The following RALGPS2 variants were observed in gnomAD, a reference collection of about 807,000 sequenced individuals.
The protein encoded by RALGPS2 is ras-specific guanine nucleotide-releasing factor RalGPS2.
A neutral mutation model predicts 86.8 loss-of-function variants in RALGPS2; 43 were observed. That is an observed-to-expected ratio of 0.50 (90% CI 0.39 to 0.64). The LOEUF (loss-of-function observed/expected upper bound fraction) is 0.64. RALGPS2 is among the 30% of genes least tolerant of loss of function. The pLI, the probability that RALGPS2 is intolerant of heterozygous loss-of-function variation, is 0.00. For missense variants in RALGPS2, 536 were observed against 694.6 expected, an observed-to-expected ratio of 0.77 and a Z score of 2.57; for synonymous variants, 243 against 231.3, an observed-to-expected ratio of 1.05 and a Z score of -0.46.
intron 1 of RALGPS2, among the ~76,000 whole-genome samples, chr1:178,765,467 A>AT (rs1408479159): frequency 6.6e-6 from 1 of 152,216 alleles, no homozygotes. Context: ...CAGAGATCAC[A>AT]TGCTTCACAA....
chr1:178,811,437 C>T, intron 6 of RALGPS2, 33 bp downstream of exon 6: 1 of 1,341,892 alleles, frequency 7.5e-7, no homozygotes, highest in Non-Finnish European at 1.0e-6. Context: ...TTTTTGAGTT[C>T]AACCATTCAT....
chr1:178,823,353 A>G (rs561683260), intron 7 of RALGPS2, among the ~76,000 whole-genome samples: 1 of 152,344 alleles, frequency 6.6e-6, no homozygotes, highest in East Asian at 1.9e-4. Context: ...TTAATAGTGA[A>G]TGATCTAGAC....
chr1:178,899,551 C>G (rs1660077507), intron 17 of RALGPS2, among the ~76,000 whole-genome samples: 1 of 151,332 alleles, frequency 6.6e-6, no homozygotes, highest in African/African-American at 2.4e-5. Flanking sequence ...AAAATATCTG[C>G]TATATGTAAG....
chr1:178,810,459 A>T (rs1205630683), intron 5 of RALGPS2, among the ~76,000 whole-genome samples: 2 of 152,046 alleles, frequency 1.3e-5, no homozygotes, highest in African/African-American at 4.8e-5. Context: ...GTTGGTGAAC[A>T]TGCACTTTAG....
In RALGPS2 at chr1:178,754,874, A is replaced by G. The variant is rs76929783; in HGVS notation, c.-83-21808A>G. Among the ~76,000 whole-genome samples the G allele has an allele frequency of 3.3e-3, 499 of 152,358 alleles. 3 individuals are homozygous for G. The highest frequency in any genetic ancestry group is 0.012 in the African/African-American group (491 of 41,594). The stretch of plus-strand genomic sequence containing the variant: ...GAGTGCAGTGGTGCAATCTCAGTTC[A>G]CTGCAACTTCTGCCTCCCATATTCA... On this transcript the variant is annotated intron_variant, in intron 1 of 19. Coordinates refer to ENST00000367635, the MANE Select transcript of RALGPS2 (RefSeq NM_152663.5).
chr1:178,916,507 A>G lies in RALGPS2; in HGVS notation c.*148A>G. The G allele has an allele frequency of 1.5e-6, 1 of 654,476 alleles. No homozygotes were observed. The highest frequency in any genetic ancestry group is 3.3e-5 in the Admixed American group (1 of 29,854). 40.5% of individuals were successfully genotyped at this position (654,476 alleles called of 1,614,324 possible). On this transcript the variant is annotated 3_prime_UTR_variant, in exon 20 of 20. Coordinates refer to ENST00000367635, the MANE Select transcript of RALGPS2 (RefSeq NM_152663.5). Reference sequence around the variant, plus strand: ...GGAGTTCTCAACCAAAAAAGCACTAATTTCAGGGAATGATTTGAGATATTC... The same window carrying G: ...GGAGTTCTCAACCAAAAAAGCACTAGTTTCAGGGAATGATTTGAGATATTC...
At chr1:178,856,420 T>TTTTTTTGTTTTG (rs1657587534) in intron 8 of RALGPS2, among the ~76,000 whole-genome samples, 1 of 120,564 alleles carries the variant, frequency 8.3e-6, no homozygotes, top group African/African-American at 3.5e-5. Context: ...TTTTTTTTTT[T>TTTTTTTGTTTTG]TTTTTTGAGA....
intron 2 of RALGPS2, among the ~76,000 whole-genome samples, chr1:178,782,647 A>C (rs10913623): frequency 0.46 from 70,102 of 150,870 alleles, 17,557 homozygotes; most frequent in African/African-American, 0.65. Context: ...CCCCCCAGCA[A>C]CCCCTCAAAT....
At chr1:178,848,980 G>A (rs1657010829) in intron 8 of RALGPS2, among the ~76,000 whole-genome samples, 2 of 152,130 alleles carry the variant, frequency 1.3e-5, no homozygotes, top group Admixed American at 1.3e-4. Flanking sequence ...TATGCAAGGT[G>A]CTATGATTTG....
intron 1 of RALGPS2, among the ~76,000 whole-genome samples, chr1:178,775,807 A>G (rs1653052339): frequency 6.6e-6 from 1 of 152,130 alleles, no homozygotes; most frequent in Admixed American, 6.5e-5. Flanking sequence ...ATATTTAATA[A>G]ACTTTAAAGT....
rs1220097085 is a variant in RALGPS2, at chr1:178,892,317, C to G, written c.1325+10C>G. 1.9e-6 allele frequency: 3 copies of G among 1,610,976 alleles called. No individual in the cohort carries two copies. Among genetic ancestry groups the G allele is most frequent in the South Asian group, 2.2e-5 (2 of 91,014 alleles). On this transcript the variant is annotated intron_variant, in intron 15 of 19. Transcript: ENST00000367635. ...ACATGAAGGCCAGCAGGTACAATTC[C>G]CCTGCATTCAGGGGTCACAGAACTC...
intron 19 of RALGPS2, among the ~76,000 whole-genome samples, chr1:178,915,169 A>G (rs1660764147): frequency 6.6e-6 from 1 of 152,236 alleles, no homozygotes; most frequent in East Asian, 1.9e-4. Context: ...TCAAATGCAA[A>G]ATATCTTAAA....
At chr1:178,755,943 G>A (rs1006219837) in intron 1 of RALGPS2, among the ~76,000 whole-genome samples, 5 of 152,172 alleles carry the variant, frequency 3.3e-5, no homozygotes, top group African/African-American at 1.2e-4. Context: ...GATTAGCGAT[G>A]TTGAACATTT....
At chr1:178,902,351 T>G in intron 18 of RALGPS2, 140 bp downstream of exon 18, 1 of 571,410 alleles carries the variant, frequency 1.8e-6, no homozygotes, top group Non-Finnish European at 3.1e-6. Context: ...AAACCTAGTT[T>G]CACTGGAATA....
At chr1:178,773,494 G>A (rs748508005) in intron 1 of RALGPS2, among the ~76,000 whole-genome samples, 3 of 152,186 alleles carry the variant, frequency 2.0e-5, no homozygotes, top group African/African-American at 4.8e-5. Flanking sequence ...TTTGAAGGAC[G>A]TACTAAAAGA....
intron 1 of RALGPS2, among the ~76,000 whole-genome samples, chr1:178,775,762 T>C (rs1425530955): frequency 2.0e-5 from 3 of 152,142 alleles, no homozygotes; most frequent in Non-Finnish European, 2.9e-5. Context: ...ATTAGTGTTA[T>C]TGGTAGTTGT....
chr1:178,873,114 G>A (rs1658843054), intron 8 of RALGPS2, among the ~76,000 whole-genome samples: 1 of 152,132 alleles, frequency 6.6e-6, no homozygotes. Context: ...ATACTGCAGA[G>A]ACATTACATA....
At chr1:178,851,433 T>A in intron 8 of RALGPS2, 6 of 896,706 alleles carry the variant, frequency 6.7e-6, no homozygotes, top group Non-Finnish European at 9.3e-6. Flanking sequence ...CCCAGTTACC[T>A]TTATCTCAGC....
intron 8 of RALGPS2, among the ~76,000 whole-genome samples, chr1:178,873,603 G>T (rs1369385309): frequency 6.6e-6 from 1 of 152,126 alleles, no homozygotes; most frequent in African/African-American, 2.4e-5. Flanking sequence ...TCCTAGGCAT[G>T]TTTGTATATC....
Sources: allele counts gnomAD v4.1 joint callset (sites outside exome capture counted in the v4.1 genomes callset), GRCh38; gene constraint gnomAD v4.1.1; transcripts MANE v1.5; gene names NCBI Gene and HGNC (gene_info 2026-07-23, HGNC 2026-07-21).